Variants in HCFC1 observed in about 807,000 individuals in gnomAD.
The protein encoded by HCFC1 is host cell factor 1.
Under a neutral mutation model 105.5 loss-of-function variants are expected in HCFC1, and 7 were observed. The observed-to-expected ratio is 0.07, with a 90% CI of 0.04 to 0.12. The LOEUF (loss-of-function observed/expected upper bound fraction) is 0.12. HCFC1 is among the 10% of genes least tolerant of loss of function. The pLI, the probability that HCFC1 is intolerant of heterozygous loss-of-function variation, is 1.00. For missense variants in HCFC1, 1,065 were observed against 1,823.6 expected, an observed-to-expected ratio of 0.58 and a Z score of 7.58; for synonymous variants, 918 against 828.1, an observed-to-expected ratio of 1.11 and a Z score of -1.86.
intron 6 of HCFC1, 125 bp from the exon 7 acceptor site, chrX:153,960,539 T>A: frequency 2.2e-6 from 1 of 456,342 alleles, no homozygotes; most frequent in Non-Finnish European, 3.5e-6. Context: ...GATTATTACA[T>A]TAAAAACAAC....
chrX:153,957,915 G>A (rs1248794024), intron 11 of HCFC1, 29 bp from the exon 12 acceptor site: 3 of 1,170,529 alleles, frequency 2.6e-6, no homozygotes, highest in Non-Finnish European at 3.5e-6. Context: ...AGCAAGGAGT[G>A]ATCTGGAAAC....
In HCFC1 at chrX:153,951,895, G is replaced by A. The variant is rs782368009; in HGVS notation, c.5206C>T (p.Leu1736=). ...ACAGTGCTGGGGACCGTGCCGGCCA[G>A]CTCATTGAGGCAATTGCTCTCAATG... The part of the protein sequence containing the change: ...PAIESNCLNE[L]AGTVPSTVAL... The change falls in exon 20 of 26, where the codon CTG becomes TTG. Residue 1736 remains leucine, a synonymous_variant. Coordinates refer to ENST00000310441, the MANE Select transcript of HCFC1 (RefSeq NM_005334.3). 70 of 1,192,482 alleles carry A rather than the reference G, an allele frequency of 5.9e-5. No homozygotes were observed. In the Admixed American group the frequency reaches 1.6e-3, roughly 27 times the overall value.
At chrX:153,949,708 GC>G in intron 24 of HCFC1, 92 bp from the exon 25 acceptor site, 1 of 838,973 alleles carries the variant, frequency 1.2e-6, no homozygotes, top group Non-Finnish European at 1.8e-6. Flanking sequence ...GTCTCTTGGT[GC>G]CACATGGCAT....
rs781900488 is a variant in HCFC1 at position 153,953,706 on chromosome X, G to A, written c.4398C>T (p.Ile1466=). The change falls in exon 18 of 26, where the codon ATC becomes ATT. Residue 1466 remains isoleucine (I), a synonymous_variant. Transcript: ENST00000310441. ...VESTQGDSVN[I]TSSSAITTTV... is the part of the protein sequence containing the mutation. Reference sequence around the variant, plus strand: ...TTGTCGTGATGGCACTGGAGCTGGTGATGTTCACGCTGTCGCCCTGGGTGC... The same window carrying A: ...TTGTCGTGATGGCACTGGAGCTGGTAATGTTCACGCTGTCGCCCTGGGTGC... 26 of 1,209,432 alleles carry A rather than the reference G, an allele frequency of 2.1e-5. No individual in the cohort carries two copies. Among genetic ancestry groups the A allele is most frequent in the Non-Finnish European group, 2.8e-5 (25 of 894,684 alleles).
chrX:153,949,390 G>C lies in HCFC1; in HGVS notation c.6069-4C>G. 2 of 1,204,192 alleles carry C rather than the reference G, an allele frequency of 1.7e-6. No homozygotes were observed. Among genetic ancestry groups the C allele is most frequent in the Non-Finnish European group, 2.2e-6 (2 of 889,669 alleles). ...AGATTTCTTTGGAGCAGATTTCCTT[G>C]GAAGGCAGAAAAAGGAAAGAGAAAG... On this transcript the variant is annotated splice_polypyrimidine_tract_variant and splice_region_variant and intron_variant, in intron 25 of 25. Coordinates refer to ENST00000310441, the MANE Select transcript of HCFC1 (RefSeq NM_005334.3).
intron 1 of HCFC1, among the ~76,000 whole-genome samples, chrX:153,969,122 G>C (rs187001332): frequency 4.5e-5 from 5 of 111,413 alleles, no homozygotes; most frequent in Admixed American, 9.4e-5. Context: ...TTCTGCCTTG[G>C]GGGGTGGGGA....
At chrX:153,962,185 G>C (rs1557117153) in intron 5 of HCFC1, 37 bp downstream of exon 5, 5 of 1,100,806 alleles carry the variant, frequency 4.5e-6, no homozygotes, top group Non-Finnish European at 6.3e-6. Flanking sequence ...GGCCACGCCA[G>C]TCTAGAGAAG....
Position 153,961,046 on chromosome X carries a change from G to A in HCFC1, c.904+496C>T, listed in dbSNP as rs184969120. Among the ~76,000 whole-genome samples, 88 of 112,833 alleles carry A rather than the reference G, an allele frequency of 7.8e-4. 2 individuals are homozygous for A. Among genetic ancestry groups the A allele is most frequent in the Admixed American group, 7.7e-3 (83 of 10,744 alleles). On this transcript the variant is annotated intron_variant, in intron 6 of 25. Coordinates refer to ENST00000310441, the MANE Select transcript of HCFC1 (RefSeq NM_005334.3). ...GGTGCAAGGATACTCACGGAGCGGC[G>A]CCTGTACAAGTTACAGCAGCACAAC...
In HCFC1 at chrX:153,954,780, C is replaced by T. The variant is rs1454768223; in HGVS notation, c.3619G>A (p.Ala1207Thr). The T allele has an allele frequency of 3.4e-6, 4 of 1,167,119 alleles. No homozygotes were observed. The highest frequency in any genetic ancestry group is 1.8e-5 in the African/African-American group (1 of 56,035). The change falls in exon 17 of 26, where the codon GCT becomes ACT. Residue 1207 changes from alanine (A) to threonine (T), a missense_variant. This residue lies in a region of HCFC1 where 546 missense variants were observed against 599.9 expected (regional missense o/e 0.91). Coordinates refer to ENST00000310441, the MANE Select transcript of HCFC1 (RefSeq NM_005334.3). The stretch of plus-strand genomic sequence containing the variant: ...CTCAGAGGGGCCAACTGCACAAAAG[C>T]AGGGCTGCGGCCCCCGGGCTCCCGT... Reference protein sequence around the residue: ...MAREPGGRSPAFVQLAPLSSK... With the variant: ...MAREPGGRSPTFVQLAPLSSK...
Position 153,950,828 on chromosome X carries a change from G to T in HCFC1, c.5688C>A (p.Ala1896=). Residue 1896 remains alanine (A), a synonymous_variant, in exon 23 of 26, where the codon GCC becomes GCA. Coordinates refer to ENST00000310441, the MANE Select transcript of HCFC1 (RefSeq NM_005334.3). ...CLPGFPGAPC[A]IKISKSPDGA... ...CAAGACTCACTTTGCTGATTTTAAT[G>T]GCACAAGGGGCCCCTGGGAAACCAG... 8.3e-7 allele frequency: 1 copy of T among 1,209,898 alleles called. No individual in the cohort carries two copies. Among genetic ancestry groups the T allele is most frequent in the Non-Finnish European group, 1.1e-6 (1 of 895,047 alleles).
chrX:153,957,726 T>G lies in HCFC1; in HGVS notation c.2133+56A>C, dbSNP rs963640927. On this transcript the variant is annotated intron_variant, in intron 12 of 25. Coordinates refer to ENST00000310441, the MANE Select transcript of HCFC1 (RefSeq NM_005334.3). ...CATGGGCAGGGACATGAGTTCTTCC[T>G]GTGGCCTGGCACCCAGGCCCCCACT... 813 of 948,087 alleles carry G rather than the reference T, an allele frequency of 8.6e-4. 7 individuals are homozygous for G. The highest frequency in any genetic ancestry group is 3.2e-4 in the Middle Eastern group (1 of 3,131). The allele number at this position is 948,087 out of a possible 1,213,427, so 78.1% of individuals were successfully genotyped here. A position where few individuals can be genotyped will look rare whatever the true frequency, so the allele number is the denominator to read the frequency against.
chrX:153,951,654 G>A lies in HCFC1; in HGVS notation c.5314C>T (p.Pro1772Ser). Reference sequence around the variant, plus strand: ...GTAGCTGCAGCCTGCAGCTTGGCTGGGCTGGCCACCACAACCGGCTGGGGG... The same window carrying A: ...GTAGCTGCAGCCTGCAGCTTGGCTGAGCTGGCCACCACAACCGGCTGGGGG... Reference protein sequence around the residue: ...VAPQPVVVASPAKLQAAATLT... With the variant: ...VAPQPVVVASSAKLQAAATLT... Residue 1772 changes from proline (P) to serine (S), a missense_variant, in exon 21 of 26, where the codon CCA (proline) becomes TCA (serine). Physicochemically the swap from Pro to Ser is moderately conservative, Grantham distance 74. This residue lies in a region of HCFC1 where 115 missense variants were observed against 143.7 expected (regional missense o/e 0.80). Transcript: ENST00000310441. 1 of 1,211,186 alleles carries A rather than the reference G, an allele frequency of 8.3e-7. No homozygotes were observed. The highest frequency in any genetic ancestry group is 1.1e-6 in the Non-Finnish European group (1 of 895,428).
chrX:153,966,837 C>T (rs1603298571), intron 1 of HCFC1, among the ~76,000 whole-genome samples: 2 of 112,631 alleles, frequency 1.8e-5, no homozygotes, highest in Non-Finnish European at 3.8e-5. Flanking sequence ...TATGGGGCTG[C>T]GGGTCAGAGT....
intron 9 of HCFC1, 36 bp downstream of exon 9, chrX:153,959,295 C>A (rs374679038): frequency 4.3e-6 from 5 of 1,171,222 alleles, no homozygotes; most frequent in Non-Finnish European, 5.7e-6. Context: ...ACTGGATCAA[C>A]AGGAAATCCC....
Position 153,955,515 on chromosome X carries a change from G to A in HCFC1, c.2884C>T (p.Leu962=). The change falls in exon 17 of 26, where the codon CTG becomes TTG. Residue 962 remains leucine, a synonymous_variant. Transcript: ENST00000310441. ...TCCACCCCACTAGGTGCCGTGATCA[G>A]AGTTACCTGGGTGGGCTGGGACACG... is the stretch of plus-strand genomic sequence containing the variant. ...QPVSQPTQVT[L]ITAPSGVEAQ... 8.5e-7 allele frequency: 1 copy of A among 1,175,263 alleles called. No homozygotes were observed. Among genetic ancestry groups the A allele is most frequent in the Non-Finnish European group, 1.1e-6 (1 of 876,210 alleles).
At position 153,963,316 on chromosome X, in the gene HCFC1, G is replaced by A. The variant is rs1557117491; in HGVS notation, c.621C>T (p.Val207=). Residue 207 remains valine, a synonymous_variant, in exon 4 of 26, where the codon GTC becomes GTT. Transcript: ENST00000310441. ...ACTTCTTATTGTCTTTTTCGGTGTA[G>A]ACCACGGCAGTATGTGACTCCCGGG... ...PPPRESHTAV[V]YTEKDNKKSK... 5.0e-6 allele frequency: 6 copies of A among 1,208,143 alleles called. No homozygotes were observed. Among genetic ancestry groups the A allele is most frequent in the Non-Finnish European group, 5.6e-6 (5 of 893,240 alleles).
rs201426831 is a variant in HCFC1, at chrX:153,951,824, C to T, written c.5260+17G>A. On this transcript the variant is annotated intron_variant, in intron 20 of 25. Coordinates refer to ENST00000310441, the MANE Select transcript of HCFC1 (RefSeq NM_005334.3). ...TGCCCCCACCACCCCAGCACCAATT[C>T]GCCCTCAGTCGCTTACTCTCAGTGG... is the stretch of plus-strand genomic sequence containing the variant. The T allele has an allele frequency of 1.0e-5, 12 of 1,180,735 alleles. No individual in the cohort carries two copies. In the Admixed American group the frequency reaches 1.4e-4, roughly 14 times the overall value.
chrX:153,952,828 A>G lies in HCFC1; in HGVS notation c.4628T>C (p.Leu1543Pro). The change falls in exon 19 of 26, where the codon CTC (leucine) becomes CCC (proline). Residue 1543 changes from leucine to proline, a missense_variant. By Grantham distance (98) the Leu-to-Pro change is moderately conservative (BLOSUM62 -3). Coordinates refer to ENST00000310441, the MANE Select transcript of HCFC1 (RefSeq NM_005334.3). Reference protein sequence around the residue: ...EVLSASQTPELPAAVDLSSTG... With the variant: ...EVLSASQTPEPPAAVDLSSTG... ...GCTGCTCAGATCCACGGCGGCCGGGAGCTCAGGGGTCTGGGAGGCTGACAG... is the reference window on the plus strand; with the variant it reads ...GCTGCTCAGATCCACGGCGGCCGGGGGCTCAGGGGTCTGGGAGGCTGACAG... 1 of 1,194,536 alleles carries G rather than the reference A, an allele frequency of 8.4e-7. No individual in the cohort carries two copies. Among genetic ancestry groups the G allele is most frequent in the Non-Finnish European group, 1.1e-6 (1 of 886,978 alleles).
chrX:153,949,011 A>AATGC lies in HCFC1; in HGVS notation c.*335_*336insGCAT, dbSNP rs1557111718. 4.5e-5 allele frequency: 7 copies of AATGC among 154,322 alleles called. No individual in the cohort carries two copies. The Admixed American group carries it at 5.6e-4, about 12-fold the overall frequency. 12.7% of individuals were successfully genotyped at this position (154,322 alleles called of 1,213,427 possible). ...GCCTGCCCCCGACCTGGCCCTCAGG[A>AATGC]ACGCACAGCCTTGGGAGGGCGGAGC... On this transcript the variant is annotated 3_prime_UTR_variant, in exon 26 of 26. Coordinates refer to ENST00000310441, the MANE Select transcript of HCFC1 (RefSeq NM_005334.3).
Sources: gnomAD v4.1 joint callset for allele counts (sites outside exome capture counted in the v4.1 genomes callset) on GRCh38, gnomAD v4.1.1 for gene constraint, gnomAD v4.1.1 regional missense constraint, MANE v1.5 for transcripts, NCBI Gene and HGNC (gene_info 2026-07-23, HGNC 2026-07-21) for gene names.